Variants in UCHL5 observed in about 807,000 individuals in gnomAD.
The protein encoded by UCHL5 is ubiquitin C-terminal hydrolase L5.
Under a neutral mutation model 53.8 loss-of-function variants are expected in UCHL5, and 34 were observed. That is an observed-to-expected ratio of 0.63 (90% confidence interval 0.48 to 0.84). The LOEUF (loss-of-function observed/expected upper bound fraction) is 0.84. Among genes scored for constraint, UCHL5 ranks in the 40% least tolerant of loss-of-function variants. UCHL5 has a pLI of 0.00. For synonymous variants in UCHL5, 111 were observed against 126.3 expected (o/e 0.88, Z 0.81); for missense variants, 290 against 385.6 (o/e 0.75, Z 2.08).
intron 1 of UCHL5, among the ~76,000 whole-genome samples, chr1:193,055,852 G>T (rs1436779966): frequency 6.6e-6 from 1 of 152,118 alleles, no homozygotes; most frequent in Admixed American, 6.6e-5. Context: ...TTCTTTTCTA[G>T]TAATATCTTT....
chr1:193,012,964 A>G lies in UCHL5; in HGVS notation c.*3387T>C, dbSNP rs960116209. 5 of 152,206 alleles carry G rather than the reference A, an allele frequency of 3.3e-5. No homozygotes were observed. The highest frequency in any genetic ancestry group is 1.2e-4 in the African/African-American group (5 of 41,460). 9.4% of individuals were successfully genotyped at this position (152,206 alleles called of 1,614,324 possible). ...AGTCATTGGATTTAGGCCAGTTAAC[A>G]ATATACTAAAGAACAAACTAAATAA... On this transcript the variant is annotated 3_prime_UTR_variant, in exon 11 of 11. Coordinates refer to ENST00000367454, the MANE Select transcript of UCHL5 (RefSeq NM_001199261.3).
chr1:193,046,650 T>C (rs1212026687), intron 3 of UCHL5, among the ~76,000 whole-genome samples: 2 of 147,702 alleles, frequency 1.4e-5, no homozygotes, highest in Non-Finnish European at 3.0e-5. Flanking sequence ...TATTTAAATA[T>C]AATAATTTAT....
chr1:193,044,813 A>T (rs1666854869), intron 3 of UCHL5, among the ~76,000 whole-genome samples: 5 of 152,200 alleles, frequency 3.3e-5, no homozygotes. Flanking sequence ...CTCCTAGCAT[A>T]GGCTTATAGG....
At chr1:193,039,943 T>A (rs1664959867) in intron 3 of UCHL5, among the ~76,000 whole-genome samples, 1 of 152,036 alleles carries the variant, frequency 6.6e-6, no homozygotes, top group African/African-American at 2.4e-5. Context: ...TGGATAACCA[T>A]TGCAGAAAAA....
intron 7 of UCHL5, among the ~76,000 whole-genome samples, chr1:193,024,511 G>A (rs1010536492): frequency 2.7e-5 from 4 of 149,474 alleles, no homozygotes; most frequent in East Asian, 1.9e-4. Flanking sequence ...ACTATGCTCC[G>A]TATTATATAA....
At chr1:193,039,323 T>C (rs1664730749) in intron 3 of UCHL5, among the ~76,000 whole-genome samples, 1 of 152,038 alleles carries the variant, frequency 6.6e-6, no homozygotes, top group Non-Finnish European at 1.5e-5. Context: ...GGCACAAGAA[T>C]AGCTTGAACC....
intron 10 of UCHL5, among the ~76,000 whole-genome samples, chr1:193,019,437 A>T (rs997490747): frequency 1.3e-4 from 19 of 151,822 alleles, no homozygotes; most frequent in African/African-American, 3.9e-4. Context: ...AATGAGTCTA[A>T]GCTCCTTCAG....
At chr1:193,041,247 C>A (rs1045046682) in intron 3 of UCHL5, among the ~76,000 whole-genome samples, 3 of 151,944 alleles carry the variant, frequency 2.0e-5, no homozygotes, top group African/African-American at 7.3e-5. Context: ...TCACATGTAT[C>A]CCCAAAATAT....
intron 3 of UCHL5, among the ~76,000 whole-genome samples, chr1:193,042,781 TAAAGACA>T (rs963533932): frequency 8.5e-5 from 13 of 152,152 alleles, no homozygotes; most frequent in Non-Finnish European, 1.3e-4. Flanking sequence ...ACTCTAAAGA[TAAAGACA>T]AAAGTCTCAA....
In UCHL5 at chr1:193,016,554, CA is replaced by C. The variant is rs1654961444; in HGVS notation, c.943-160del. On this transcript the variant is annotated intron_variant, in intron 10 of 10. Coordinates refer to ENST00000367454, the MANE Select transcript of UCHL5 (RefSeq NM_001199261.3). ...ATGTTTTATAACTTGAGACTTATAA[CA>C]AACTTTTCCTGGACAATTACATAGT... Among the ~76,000 whole-genome samples the C allele has an allele frequency of 3.3e-5, 5 of 151,894 alleles. No homozygotes were observed. In the South Asian group the frequency reaches 1.0e-3, roughly 32 times the overall value.
At chr1:193,018,694 C>T in intron 10 of UCHL5, 1 of 1,338,872 alleles carries the variant, frequency 7.5e-7, no homozygotes. Flanking sequence ...TAGGCAACTG[C>T]CTCAGCTATT....
At chr1:193,018,041 G>A (rs1655468856) in intron 10 of UCHL5, among the ~76,000 whole-genome samples, 1 of 151,416 alleles carries the variant, frequency 6.6e-6, no homozygotes, top group African/African-American at 2.4e-5. Flanking sequence ...TCTATACAGT[G>A]TACCAATGAT....
intron 10 of UCHL5, among the ~76,000 whole-genome samples, chr1:193,018,191 T>C (rs541383888): frequency 1.3e-5 from 2 of 151,644 alleles, no homozygotes; most frequent in African/African-American, 4.8e-5. Context: ...TTATTACCAA[T>C]TGAATCACAA....
At chr1:193,038,094 A>G (rs1021694460) in intron 3 of UCHL5, among the ~76,000 whole-genome samples, 9 of 152,212 alleles carry the variant, frequency 5.9e-5, no homozygotes, top group Admixed American at 5.9e-4. Context: ...TATGGAAGGT[A>G]CATACCTCAA....
chr1:193,018,537 T>C, intron 10 of UCHL5: 1 of 1,145,658 alleles, frequency 8.7e-7, no homozygotes, highest in Non-Finnish European at 1.1e-6. Context: ...TTCAACGAAT[T>C]CATCGGTTAA....
chr1:193,028,943 T>C (rs1002960231), intron 6 of UCHL5, among the ~76,000 whole-genome samples: 1 of 152,274 alleles, frequency 6.6e-6, no homozygotes, highest in East Asian at 1.9e-4. Flanking sequence ...ATGTAACCTA[T>C]AGGTTAAAAA....
rs1274375381 is a variant in UCHL5, at chr1:193,012,704, T to C, written c.*3647A>G. 6.6e-6 allele frequency: 1 copy of C among 151,768 alleles called. No homozygotes were observed. The allele number at this position is 151,768 out of a possible 1,614,324, so 9.4% of individuals were successfully genotyped here. On this transcript the variant is annotated 3_prime_UTR_variant, in exon 11 of 11. Transcript: ENST00000367454. ...CAGCTCCTCCCACCCCTTTTCCCTA[T>C]TTTTTTTACCATTCATACTACTATT...
chr1:193,059,158 G>A lies in UCHL5; in HGVS notation c.76+27C>T, dbSNP rs1234547745. On this transcript the variant is annotated intron_variant, in intron 1 of 10. Transcript: ENST00000367454. The surrounding 1 kb of genome is among the most constrained non-coding windows in gnomAD (Gnocchi z 4.9). ...CTTGGGCCTCCTCCCGTGACCCCAGGCCCAGGACGGTCCCCTTGGTTCTCA... is the reference window on the plus strand; with the variant it reads ...CTTGGGCCTCCTCCCGTGACCCCAGACCCAGGACGGTCCCCTTGGTTCTCA... 1.9e-6 allele frequency: 3 copies of A among 1,549,736 alleles called. No individual in the cohort carries two copies. The highest frequency in any genetic ancestry group is 1.9e-5 in the Admixed American group (1 of 53,088).
rs1670157262 is a variant in UCHL5 at position 193,054,956 on chromosome 1, C to CA, written c.77-3140dup. Among the ~76,000 whole-genome samples, 5 of 152,268 alleles carry CA rather than the reference C, an allele frequency of 3.3e-5. 1 individual carries two copies. In the South Asian group the frequency reaches 1.0e-3, roughly 32 times the overall value. On this transcript the variant is annotated intron_variant, in intron 1 of 10. Transcript: ENST00000367454. ...TCTGAGCCAAGAGGAAATGTCAATA[C>CA]AAAAATCCAAGAAAGCCATCTAGTT...
Sources: gnomAD v4.1 joint callset for allele counts (sites outside exome capture counted in the v4.1 genomes callset) on GRCh38, gnomAD v4.1.1 for gene constraint, Gnocchi (gnomAD v3.1) non-coding constraint, MANE v1.5 for transcripts, NCBI Gene and HGNC (gene_info 2026-07-23, HGNC 2026-07-21) for gene names.